PPP2R2C: variants seen among roughly 807,000 people sequenced by gnomAD.
The protein encoded by PPP2R2C is protein phosphatase 2 regulatory subunit Bgamma, also known as protein phosphatase 2, regulatory subunit B, gamma.
In PPP2R2C, 10 loss-of-function variants were observed where a neutral mutation model predicts 45.3. The ratio of observed to expected loss-of-function variants is 0.22; its 90% confidence interval spans 0.14 to 0.37. PPP2R2C has a LOEUF of 0.37. PPP2R2C is among the 10% of genes least tolerant of loss of function. PPP2R2C has a pLI of 1.00. For missense variants in PPP2R2C, 308 were observed against 619.7 expected, an observed-to-expected ratio of 0.50 and a Z score of 5.34; for synonymous variants, 257 against 245.4, an observed-to-expected ratio of 1.05 and a Z score of -0.44.
chr4:6,534,270 G>C (rs777661922), intron 2 of PPP2R2C, among the ~76,000 whole-genome samples: 3 of 130,848 alleles, frequency 2.3e-5, no homozygotes, highest in Non-Finnish European at 3.2e-5. Flanking sequence ...ACACCACATA[G>C]CAAGACACAC....
chr4:6,488,060 T>C (rs1435619444), intron 2 of PPP2R2C, among the ~76,000 whole-genome samples: 1 of 152,200 alleles, frequency 6.6e-6, no homozygotes, highest in East Asian at 1.9e-4. Context: ...TTTTCATCTG[T>C]AGTAGTTTGA....
intron 1 of PPP2R2C, among the ~76,000 whole-genome samples, chr4:6,391,711 T>C (rs1716655640): frequency 6.6e-6 from 1 of 152,144 alleles, no homozygotes; most frequent in Non-Finnish European, 1.5e-5. Context: ...ACCAGGAACA[T>C]GTGGCCGACA....
chr4:6,380,640 G>C (rs1392314992), intron 2 of PPP2R2C, among the ~76,000 whole-genome samples: 1 of 152,174 alleles, frequency 6.6e-6, no homozygotes, highest in African/African-American at 2.4e-5. Flanking sequence ...CTAGGACAGA[G>C]CATGGGATGC....
intron 1 of PPP2R2C, among the ~76,000 whole-genome samples, chr4:6,409,271 T>C (rs80139161): frequency 0.033 from 5,096 of 152,260 alleles, 283 homozygotes; most frequent in African/African-American, 0.11. Context: ...CTTAAAAATA[T>C]ACCATAAAGC....
Position 6,331,952 on chromosome 4 carries a change from T to C in PPP2R2C, c.960+1610A>G, listed in dbSNP as rs1342114196. ...AATGTTGGTTGTTGTGCTGCTTTTATGTAGTTATTGCTATTATTTTAGCAT... is the reference window on the plus strand; with the variant it reads ...AATGTTGGTTGTTGTGCTGCTTTTACGTAGTTATTGCTATTATTTTAGCAT... On this transcript the variant is annotated intron_variant, in intron 7 of 8. Coordinates refer to ENST00000382599, the MANE Select transcript of PPP2R2C (RefSeq NM_020416.4). The surrounding 1 kb of genome is among the most constrained non-coding windows in gnomAD (Gnocchi z 5.9). Among the ~76,000 whole-genome samples the C allele has an allele frequency of 6.6e-6, 1 of 152,214 alleles. No individual in the cohort carries two copies.
chr4:6,373,252 C>T (rs1466145168), intron 4 of PPP2R2C, among the ~76,000 whole-genome samples: 1 of 152,188 alleles, frequency 6.6e-6, no homozygotes, highest in Non-Finnish European at 1.5e-5. Context: ...TGGAAGGATC[C>T]TGCAGGAGAG....
At chr4:6,383,920 G>A in intron 1 of PPP2R2C, 1 of 986,574 alleles carries the variant, frequency 1.0e-6, no homozygotes, top group Non-Finnish European at 1.2e-6. Flanking sequence ...GTCAATGCCA[G>A]CTTTGAGGCA....
chr4:6,387,772 C>T (rs183669261), intron 1 of PPP2R2C, among the ~76,000 whole-genome samples: 2 of 150,732 alleles, frequency 1.3e-5, no homozygotes, highest in African/African-American at 4.9e-5. Flanking sequence ...GCCGAGATTG[C>T]ACCATTGCAC....
intron 5 of PPP2R2C, among the ~76,000 whole-genome samples, chr4:6,365,748 C>T (rs781130448): frequency 6.6e-5 from 10 of 152,172 alleles, no homozygotes; most frequent in Non-Finnish European, 8.8e-5. Context: ...CCTGGCCGTG[C>T]GGACCTGCTC....
At chr4:6,323,736 G>A in intron 8 of PPP2R2C, 143 bp from the exon 9 acceptor site, 1 of 760,570 alleles carries the variant, frequency 1.3e-6, no homozygotes, top group Non-Finnish European at 1.9e-6. Context: ...AGGAGTTCAA[G>A]ACCAGCCTGG....
At chr4:6,408,930 C>CT (rs1264661110) in intron 1 of PPP2R2C, among the ~76,000 whole-genome samples, 10 of 125,322 alleles carry the variant, frequency 8.0e-5, no homozygotes, top group African/African-American at 2.7e-4. Context: ...AAATAAAATA[C>CT]TTGTTGATTT....
At chr4:6,511,559 T>G (rs1560593970) in intron 2 of PPP2R2C, among the ~76,000 whole-genome samples, 4 of 53,088 alleles carry the variant, frequency 7.5e-5, no homozygotes, top group African/African-American at 1.4e-4. Flanking sequence ...GTGGTGGTGG[T>G]GGTGGTGGTG....
intron 1 of PPP2R2C, among the ~76,000 whole-genome samples, chr4:6,396,038 G>A (rs971152135): frequency 5.3e-5 from 8 of 152,182 alleles, no homozygotes; most frequent in Non-Finnish European, 1.0e-4. Flanking sequence ...TGGGTCACCG[G>A]GGAACTCACA....
intron 1 of PPP2R2C, among the ~76,000 whole-genome samples, chr4:6,434,589 C>A (rs986468322): frequency 1.3e-5 from 2 of 152,018 alleles, no homozygotes; most frequent in Non-Finnish European, 2.9e-5. Context: ...AAACTCCTCA[C>A]CTCAAGTGAT....
At chr4:6,462,984 C>G (rs1371861361) in intron 1 of PPP2R2C, among the ~76,000 whole-genome samples, 1 of 152,232 alleles carries the variant, frequency 6.6e-6, no homozygotes, top group Non-Finnish European at 1.5e-5. Flanking sequence ...GGAGCGGCAT[C>G]TCTCCCTTCT....
intron 1 of PPP2R2C, among the ~76,000 whole-genome samples, chr4:6,550,105 A>T (rs1162951979): frequency 6.6e-6 from 1 of 152,136 alleles, no homozygotes; most frequent in Non-Finnish European, 1.5e-5. Context: ...CCTGGGCCCC[A>T]GTCTCACCTC....
chr4:6,456,307 T>TCC (rs5855915), intron 1 of PPP2R2C, among the ~76,000 whole-genome samples: 15 of 81,520 alleles, frequency 1.8e-4, no homozygotes, highest in African/African-American at 9.7e-4. Context: ...GGATGTTATT[T>TCC]CCCCCCCCCC....
intron 1 of PPP2R2C, among the ~76,000 whole-genome samples, chr4:6,390,546 C>T (rs916439820): frequency 2.8e-4 from 43 of 152,338 alleles, no homozygotes; most frequent in Middle Eastern, 3.4e-3. Flanking sequence ...GCACGCCGGG[C>T]GGCGGGCGCA....
intron 6 of PPP2R2C, among the ~76,000 whole-genome samples, chr4:6,334,084 A>T (rs73075105): frequency 6.6e-6 from 1 of 152,078 alleles, no homozygotes; most frequent in African/African-American, 2.4e-5. Flanking sequence ...TGAATGCCAG[A>T]TTGCAAAGGT....
Sources: allele counts gnomAD v4.1 joint callset (sites outside exome capture counted in the v4.1 genomes callset), GRCh38; gene constraint gnomAD v4.1.1; non-coding constraint Gnocchi (gnomAD v3.1); transcripts MANE v1.5; gene names NCBI Gene and HGNC (gene_info 2026-07-23, HGNC 2026-07-21).